Variants in SORCS2 observed in about 807,000 individuals in gnomAD.
The protein encoded by SORCS2 is VPS10 domain-containing receptor SorCS2.
SORCS2 carries 100 observed loss-of-function variants against 141.6 expected under a neutral mutation model. That is an observed-to-expected ratio of 0.71 (90% CI 0.60 to 0.83). The LOEUF (loss-of-function observed/expected upper bound fraction) is 0.83. SORCS2 is among the 40% of genes least tolerant of loss of function. The pLI, the probability that SORCS2 is intolerant of heterozygous loss-of-function variation, is 0.00. For missense variants in SORCS2, 1,646 were observed against 1,560.2 expected, an observed-to-expected ratio of 1.05 and a Z score of -0.93; for synonymous variants, 789 against 676.9, an observed-to-expected ratio of 1.17 and a Z score of -2.57.
Position 7,638,368 on chromosome 4 carries a change from G to C in SORCS2, c.689G>C (p.Ser230Thr). 6.5e-7 allele frequency: 1 copy of C among 1,548,756 alleles called. No individual in the cohort carries two copies. The highest frequency in any genetic ancestry group is 8.7e-7 in the Non-Finnish European group (1 of 1,153,660). ...VSSSLSDRDQ[S>T]LFLSADEGAT... is the part of the protein sequence containing the mutation. ...TCCTCACTCAGTGACCGGGACCAGA[G>C]CCTATTCCTCAGCGCAGACGAAGGC... Residue 230 changes from serine to threonine, a missense_variant, in exon 4 of 27, where the codon AGC (serine) becomes ACC (threonine). Physicochemically the swap from Ser to Thr is moderately conservative, Grantham distance 58. Coordinates refer to ENST00000507866, the MANE Select transcript of SORCS2 (RefSeq NM_020777.3).
chr4:7,476,593 A>G (rs1447855932), intron 2 of SORCS2, among the ~76,000 whole-genome samples: 1 of 152,210 alleles, frequency 6.6e-6, no homozygotes, highest in Non-Finnish European at 1.5e-5. Flanking sequence ...TAAAGGTGAC[A>G]CAGACCTTTT....
At chr4:7,255,812 C>T (rs556804550) in intron 1 of SORCS2, among the ~76,000 whole-genome samples, 4 of 151,742 alleles carry the variant, frequency 2.6e-5, no homozygotes, top group East Asian at 1.9e-4. Context: ...ACTGGAGCCC[C>T]GGGGTTGGAG....
chr4:7,565,784 G>A (rs1714933261), intron 3 of SORCS2, among the ~76,000 whole-genome samples: 1 of 150,300 alleles, frequency 6.7e-6, no homozygotes, highest in Non-Finnish European at 1.5e-5. Context: ...ATGATGTGAT[G>A]ATGGATATGA....
At chr4:7,505,365 CACTG>C (rs1386516195) in intron 2 of SORCS2, among the ~76,000 whole-genome samples, 2 of 152,060 alleles carry the variant, frequency 1.3e-5, no homozygotes, top group Middle Eastern at 3.2e-3. Context: ...TGAATTGTCT[CACTG>C]ACCCCGAGAA....
chr4:7,535,323 C>T (rs1018323384), intron 3 of SORCS2, among the ~76,000 whole-genome samples: 10 of 152,186 alleles, frequency 6.6e-5, no homozygotes, highest in African/African-American at 1.9e-4. Flanking sequence ...AGGGCAGTTA[C>T]GGTGCGGGGC....
At position 7,233,096 on chromosome 4, in the gene SORCS2, T is replaced by C. The variant is rs1375289498; in HGVS notation, c.480+39970T>C. On this transcript the variant is annotated intron_variant, in intron 1 of 26. Coordinates refer to ENST00000507866, the MANE Select transcript of SORCS2 (RefSeq NM_020777.3). This position sits in a 1 kb window ranked among gnomAD's most constrained non-coding sequence, Gnocchi z 4.5. ...AGGCTTCGGCACCCGCATGTTCAAC[T>C]ACTGCCTTCCTGATGGAGGAGGCTG... Among the ~76,000 whole-genome samples, 2 of 152,158 alleles carry C rather than the reference T, an allele frequency of 1.3e-5. No individual in the cohort carries two copies. The highest frequency in any genetic ancestry group is 4.8e-5 in the African/African-American group (2 of 41,434).
At chr4:7,567,218 C>T (rs939090862) in intron 3 of SORCS2, among the ~76,000 whole-genome samples, 3 of 152,184 alleles carry the variant, frequency 2.0e-5, no homozygotes, top group Admixed American at 2.0e-4. Context: ...GTACATTTGT[C>T]ATGACTAAGG....
intron 3 of SORCS2, among the ~76,000 whole-genome samples, chr4:7,545,977 T>G (rs1713232371): frequency 6.6e-6 from 1 of 152,166 alleles, no homozygotes; most frequent in Non-Finnish European, 1.5e-5. Context: ...TGCCTTCTCG[T>G]TATCTTCACG....
intron 1 of SORCS2, among the ~76,000 whole-genome samples, chr4:7,338,297 T>A (rs954040631): frequency 8.1e-5 from 12 of 148,556 alleles, no homozygotes; most frequent in Admixed American, 6.7e-5. Context: ...GATGGATGGA[T>A]GGATGGATGG....
intron 3 of SORCS2, among the ~76,000 whole-genome samples, chr4:7,613,158 G>A (rs1277478712): frequency 2.0e-5 from 3 of 152,270 alleles, no homozygotes; most frequent in Admixed American, 6.5e-5. Flanking sequence ...GGAGCATTTG[G>A]TGAAGGGCTG....
chr4:7,688,772 G>T (rs532357497), intron 10 of SORCS2, among the ~76,000 whole-genome samples: 2 of 152,244 alleles, frequency 1.3e-5, no homozygotes, highest in African/African-American at 4.8e-5. Context: ...GCATCTGTTG[G>T]TTCAGTGGGG....
chr4:7,394,742 GC>G (rs1724095740), intron 1 of SORCS2, among the ~76,000 whole-genome samples: 1 of 152,062 alleles, frequency 6.6e-6, no homozygotes, highest in Non-Finnish European at 1.5e-5. Flanking sequence ...AGCAGGGTGC[GC>G]CCCAAACCCA....
chr4:7,413,161 A>G (rs982269579), intron 2 of SORCS2, among the ~76,000 whole-genome samples: 2 of 152,058 alleles, frequency 1.3e-5, no homozygotes, highest in Non-Finnish European at 2.9e-5. Context: ...TTCTCCCTCA[A>G]AAAGTACCAC....
chr4:7,621,684 G>A (rs1437238208), intron 3 of SORCS2, among the ~76,000 whole-genome samples: 2 of 152,162 alleles, frequency 1.3e-5, no homozygotes, highest in Admixed American at 1.3e-4. Flanking sequence ...CACTTTTGCT[G>A]AACAAAATCC....
At chr4:7,543,375 T>A (rs968491048) in intron 3 of SORCS2, among the ~76,000 whole-genome samples, 2 of 151,496 alleles carry the variant, frequency 1.3e-5, no homozygotes, top group African/African-American at 4.8e-5. Flanking sequence ...ATCCGTTGAT[T>A]CATACATCCA....
intron 23 of SORCS2, among the ~76,000 whole-genome samples, chr4:7,731,885 G>C (rs1341141163): frequency 6.6e-6 from 1 of 152,218 alleles, no homozygotes; most frequent in Non-Finnish European, 1.5e-5. Context: ...CTATGCATCA[G>C]TTTGAGCAAT....
intron 1 of SORCS2, among the ~76,000 whole-genome samples, chr4:7,317,427 G>A (rs1718630743): frequency 6.6e-6 from 1 of 152,208 alleles, no homozygotes. Flanking sequence ...TCCATGCCTG[G>A]CACAGTGATT....
intron 1 of SORCS2, among the ~76,000 whole-genome samples, chr4:7,311,913 GT>G (rs1718208204): frequency 6.6e-6 from 1 of 151,938 alleles, no homozygotes; most frequent in Non-Finnish European, 1.5e-5. Flanking sequence ...GCCTCACTCT[GT>G]TGCCAGGCTG....
Position 7,514,535 on chromosome 4 carries a change from G to A in SORCS2, c.549-16995G>A, listed in dbSNP as rs569209280. The stretch of plus-strand genomic sequence containing the variant: ...CCCTGGTAGAGTCATGGCAGGGCTG[G>A]TTATAGAGTCATGGCAGGGCAGACA... On this transcript the variant is annotated intron_variant, in intron 2 of 26. Coordinates refer to ENST00000507866, the MANE Select transcript of SORCS2 (RefSeq NM_020777.3). Among the ~76,000 whole-genome samples, 309 of 152,060 alleles carry A rather than the reference G, an allele frequency of 2.0e-3. 2 individuals carry two copies. The highest frequency in any genetic ancestry group is 7.1e-3 in the African/African-American group (295 of 41,444).
Sources: allele counts gnomAD v4.1 joint callset (sites outside exome capture counted in the v4.1 genomes callset), GRCh38; gene constraint gnomAD v4.1.1; non-coding constraint Gnocchi (gnomAD v3.1); transcripts MANE v1.5; gene names NCBI Gene and HGNC (gene_info 2026-07-23, HGNC 2026-07-21).